Variants in FARP1 observed in about 807,000 individuals in gnomAD.
FARP1 encodes the protein FERM, ARHGEF and pleckstrin domain-containing protein 1.
FARP1 carries 52 observed loss-of-function variants against 128.8 expected under a neutral mutation model. The observed-to-expected ratio is 0.40, with a 90% CI of 0.32 to 0.51. The LOEUF is 0.51. Ranked by LOEUF, FARP1 falls within the 20% of genes least tolerant of loss-of-function variation. The pLI is 0.45. For missense variants in FARP1, 1,333 were observed against 1,367.9 expected (o/e 0.97, Z 0.40); for synonymous variants, 580 against 551.8 (o/e 1.05, Z -0.72).
At chr13:98,267,191 C>G (rs1884159287) in intron 2 of FARP1, among the ~76,000 whole-genome samples, 1 of 152,232 alleles carries the variant, frequency 6.6e-6, no homozygotes. Flanking sequence ...TACACTCACA[C>G]TCTGACTTAA....
chr13:98,359,765 G>T (rs1261966282), intron 3 of FARP1, among the ~76,000 whole-genome samples: 1 of 152,222 alleles, frequency 6.6e-6, no homozygotes, highest in Non-Finnish European at 1.5e-5. Context: ...ACCTGGCCTT[G>T]GTGGGTGGTA....
intron 16 of FARP1, among the ~76,000 whole-genome samples, chr13:98,415,846 T>C (rs989338263): frequency 6.6e-6 from 1 of 152,256 alleles, no homozygotes; most frequent in Admixed American, 6.5e-5. Flanking sequence ...TCGATTGGGA[T>C]GGGTAAGATC....
intron 16 of FARP1, among the ~76,000 whole-genome samples, chr13:98,417,157 A>T (rs1031638935): frequency 2.0e-5 from 3 of 152,154 alleles, no homozygotes; most frequent in Admixed American, 6.5e-5. Flanking sequence ...GAAGCATACA[A>T]GTACGATAAG....
At chr13:98,354,275 T>C (rs187999915) in intron 3 of FARP1, among the ~76,000 whole-genome samples, 16 of 152,334 alleles carry the variant, frequency 1.1e-4, no homozygotes, top group African/African-American at 3.8e-4. Flanking sequence ...TTTTGGTAAA[T>C]ACGTAAAACC....
chr13:98,411,777 A>T, intron 15 of FARP1, 124 bp from the exon 16 acceptor site: 1 of 1,048,700 alleles, frequency 9.5e-7, no homozygotes, highest in Non-Finnish European at 1.4e-6. Flanking sequence ...CTGAAATGCC[A>T]AGAACCTCGC....
At chr13:98,151,373 G>A (rs1280228136) in intron 1 of FARP1, among the ~76,000 whole-genome samples, 1 of 152,114 alleles carries the variant, frequency 6.6e-6, no homozygotes, top group Admixed American at 6.6e-5. Flanking sequence ...TGGAGAGGGG[G>A]ACATTAGTTT....
intron 2 of FARP1, chr13:98,328,291 C>T (rs1486158086): frequency 6.6e-6 from 1 of 152,188 alleles, no homozygotes; most frequent in Non-Finnish European, 1.5e-5. Context: ...CATCAGACCT[C>T]CCATCCCCTC....
In FARP1 at chr13:98,368,134, G is replaced by A. The variant is rs1257449376; in HGVS notation, c.337G>A (p.Val113Ile). 3.7e-6 allele frequency: 6 copies of A among 1,613,664 alleles called. No individual in the cohort carries two copies. In the Admixed American group the frequency reaches 8.3e-5, roughly 22 times the overall value. Residue 113 changes from valine (V) to isoleucine (I), a missense_variant, in exon 5 of 27, where the codon GTT becomes ATT. Coordinates refer to ENST00000319562, the MANE Select transcript of FARP1 (RefSeq NM_005766.4). Reference sequence around the variant, plus strand: ...TTCTTTAGGGCCAAAGCACGTTGTTGTTAAGTTTGTGGTGAAATTCTTTCC... The same window carrying A: ...TTCTTTAGGGCCAAAGCACGTTGTTATTAAGTTTGTGGTGAAATTCTTTCC... ...KQIRRPKHVV[V>I]KFVVKFFPPD...
intron 5 of FARP1, among the ~76,000 whole-genome samples, chr13:98,374,325 G>A (rs940519349): frequency 6.6e-6 from 1 of 152,194 alleles, no homozygotes; most frequent in Admixed American, 6.5e-5. Context: ...TCTGGAGGCT[G>A]AGGCAGGAGG....
At chr13:98,366,033 C>T (rs1206535821) in intron 4 of FARP1, among the ~76,000 whole-genome samples, 6 of 151,970 alleles carry the variant, frequency 3.9e-5, no homozygotes, top group Non-Finnish European at 5.9e-5. Context: ...AAGAATGCTT[C>T]CTTTTTCTCT....
chr13:98,450,652 C>T lies in FARP1; in HGVS notation c.*2335C>T, dbSNP rs933116288. On this transcript the variant is annotated 3_prime_UTR_variant, in exon 27 of 27. Transcript: ENST00000319562. ...GGCTGCAGGCTCTGGGCAGCTGAGC[C>T]AGGAGCAGCTCAGGGCTGGCACTGA... 1 of 152,224 alleles carries T rather than the reference C, an allele frequency of 6.6e-6. No homozygotes were observed. The highest frequency in any genetic ancestry group is 1.5e-5 in the Non-Finnish European group (1 of 68,060). 9.4% of individuals were successfully genotyped at this position (152,224 alleles called of 1,614,324 possible).
chr13:98,440,327 T>G, intron 23 of FARP1, 92 bp downstream of exon 23: 2 of 906,976 alleles, frequency 2.2e-6, no homozygotes, highest in South Asian at 2.6e-5. Flanking sequence ...CGGGTAGGCC[T>G]CACATCCGTG....
chr13:98,232,089 C>G (rs1882149049), intron 2 of FARP1, among the ~76,000 whole-genome samples: 1 of 149,718 alleles, frequency 6.7e-6, no homozygotes, highest in Non-Finnish European at 1.5e-5. Flanking sequence ...TTTGGCCTCC[C>G]AAAGTGCTGG....
chr13:98,317,496 A>G (rs998742541), intron 2 of FARP1, among the ~76,000 whole-genome samples: 1 of 152,216 alleles, frequency 6.6e-6, no homozygotes, highest in South Asian at 2.1e-4. Flanking sequence ...ATATTTGAAA[A>G]TGGAAATTTG....
rs1182546122 is a variant in FARP1 at position 98,384,761 on chromosome 13, C to T, written c.528C>T (p.Asp176=). ...SEIGDFDEAL[D]REHLAKNKYI... is the part of the protein sequence containing the mutation. ...TTGGGGATTTTGATGAAGCCTTGGA[C>T]AGAGAGCACTTAGCAAAAAATAAAT... The change falls in exon 7 of 27, where the codon GAC becomes GAT. Residue 176 remains aspartate, a synonymous_variant. Transcript: ENST00000319562. 6.2e-7 allele frequency: 1 copy of T among 1,613,286 alleles called. No individual in the cohort carries two copies. The highest frequency in any genetic ancestry group is 8.5e-7 in the Non-Finnish European group (1 of 1,179,316).
intron 2 of FARP1, among the ~76,000 whole-genome samples, chr13:98,268,319 C>T (rs1181881228): frequency 8.5e-5 from 13 of 152,150 alleles, no homozygotes; most frequent in Middle Eastern, 3.4e-3. Flanking sequence ...AAAAGGTTGC[C>T]GTTGCCTGGA....
At chr13:98,190,345 C>T (rs934955775) in intron 1 of FARP1, among the ~76,000 whole-genome samples, 2 of 152,170 alleles carry the variant, frequency 1.3e-5, no homozygotes, top group African/African-American at 4.8e-5. Flanking sequence ...TTCCCTTTTT[C>T]TCAGGCTGTT....
chr13:98,354,294 C>T (rs1216995470), intron 3 of FARP1, among the ~76,000 whole-genome samples: 16 of 152,056 alleles, frequency 1.1e-4, no homozygotes, highest in Non-Finnish European at 2.2e-4. Flanking sequence ...CCATATTCTA[C>T]GATTTTCAGT....
chr13:98,395,735 G>A (rs1890511330), intron 13 of FARP1: 1 of 424,562 alleles, frequency 2.4e-6, no homozygotes, highest in South Asian at 9.2e-5. Context: ...CCTCCTTCCG[G>A]AGAATTCCTT....
Sources: gnomAD v4.1 joint callset for allele counts (sites outside exome capture counted in the v4.1 genomes callset) on GRCh38, gnomAD v4.1.1 for gene constraint, MANE v1.5 for transcripts, NCBI Gene and HGNC (gene_info 2026-07-23, HGNC 2026-07-21) for gene names.